The following MIOS variants were observed in gnomAD, a reference collection of about 807,000 sequenced individuals.
The protein encoded by MIOS is GATOR2 complex protein MIOS.
Under a neutral mutation model 96.9 loss-of-function variants are expected in MIOS, and 52 were observed. The observed-to-expected ratio is 0.54, with a 90% CI of 0.43 to 0.68. The LOEUF (loss-of-function observed/expected upper bound fraction) is 0.68, where lower values mean the gene tolerates loss of function less well. MIOS is among the 30% of genes least tolerant of loss of function. The probability of loss-of-function intolerance (pLI) is 0.00; values close to 1 mark genes in which losing one functional copy is unlikely to be tolerated. For synonymous variants in MIOS, 397 were observed against 359.5 expected, an observed-to-expected ratio of 1.10 and a Z score of -1.18; for missense variants, 1,005 against 1,052.8, an observed-to-expected ratio of 0.95 and a Z score of 0.63.
intron 11 of MIOS, among the ~76,000 whole-genome samples, 174 bp downstream of exon 11, chr7:7,596,635 A>G (rs544178828): frequency 6.6e-6 from 1 of 152,316 alleles, no homozygotes; most frequent in Non-Finnish European, 1.5e-5. Flanking sequence ...AACTAAAAGC[A>G]AAATCTATAT....
Position 7,572,883 on chromosome 7 carries a change from C to T in MIOS, c.408C>T (p.His136=). 6.2e-7 allele frequency: 1 copy of T among 1,614,150 alleles called. No individual in the cohort carries two copies. ...SNWLAAGLDK[H]RADFSVLIWD... is the part of the protein sequence containing the mutation. ...GGCTAGCTGCTGGTTTAGATAAGCA[C>T]AGAGCTGACTTTTCAGTGCTAATAT... Residue 136 remains histidine (H), a synonymous_variant, in exon 4 of 13, where the codon CAC becomes CAT. Transcript: ENST00000340080. The surrounding 1 kb of genome is among the most constrained non-coding windows in gnomAD (Gnocchi z 4.8).
At chr7:7,589,939 C>A (rs1037944908) in intron 9 of MIOS, among the ~76,000 whole-genome samples, 6 of 152,134 alleles carry the variant, frequency 3.9e-5, no homozygotes, top group African/African-American at 1.4e-4. Context: ...TCTAGTTATA[C>A]CACAGCTCTC....
At chr7:7,574,358 A>G (rs973608949) in intron 5 of MIOS, among the ~76,000 whole-genome samples, 162 bp downstream of exon 5, 7 of 152,144 alleles carry the variant, frequency 4.6e-5, no homozygotes, top group East Asian at 3.8e-4. Flanking sequence ...AGTTAAATGC[A>G]TACTTGTATT....
chr7:7,601,222 C>G (rs777323635), intron 11 of MIOS, among the ~76,000 whole-genome samples: 2 of 150,756 alleles, frequency 1.3e-5, no homozygotes, highest in Non-Finnish European at 2.9e-5. Context: ...AAGATCAGAG[C>G]AGAACTGAAG....
At chr7:7,578,766 AGT>A (rs1339717236) in intron 5 of MIOS, among the ~76,000 whole-genome samples, 1 of 151,784 alleles carries the variant, frequency 6.6e-6, no homozygotes, top group Non-Finnish European at 1.5e-5. Context: ...GCTGGAGTGC[AGT>A]GACACAATCT....
intron 10 of MIOS, 27 bp from the exon 11 acceptor site, chr7:7,596,230 T>A (rs376776171): frequency 1.2e-6 from 2 of 1,600,204 alleles, no homozygotes; most frequent in Non-Finnish European, 1.7e-6. Flanking sequence ...TGCATTACAT[T>A]TATTTTTTCT....
Position 7,572,784 on chromosome 7 carries a change from G to C in MIOS, c.309G>C (p.Leu103Phe). The C allele has an allele frequency of 6.2e-7, 1 of 1,613,964 alleles. No individual in the cohort carries two copies. The highest frequency in any genetic ancestry group is 8.5e-7 in the Non-Finnish European group (1 of 1,179,876). The change falls in exon 4 of 13, where the codon TTG (leucine) becomes TTC (phenylalanine). Residue 103 changes from leucine to phenylalanine, a missense_variant. Leu to Phe is a conservative substitution (Grantham distance 22). Coordinates refer to ENST00000340080, the MANE Select transcript of MIOS (RefSeq NM_019005.4). The surrounding 1 kb of genome is among the most constrained non-coding windows in gnomAD (Gnocchi z 4.8). ...GQDHNSKFKDLIGKEFVPKHA... is the reference protein window; with the variant it reads ...GQDHNSKFKDFIGKEFVPKHA... ...ATCATAACTCAAAGTTCAAAGATTT[G>C]ATAGGAAAAGAGTTTGTTCCAAAAC...
chr7:7,604,506 G>A (rs1784471205), intron 11 of MIOS, among the ~76,000 whole-genome samples: 1 of 148,698 alleles, frequency 6.7e-6, no homozygotes, highest in Non-Finnish European at 1.5e-5. Flanking sequence ...TTACAGTAAA[G>A]AAGACAAAAA....
chr7:7,605,995 C>T lies in MIOS; in HGVS notation c.2455C>T (p.Gln819Ter), dbSNP rs1392785918. ...CTTGAGCAAGGACAAAAAATTAGCC[C>T]AATTTAACAACTGGTTTACATGGTG... ...VDLSKDKKLA[Q>*]FNNWFTWCHN... The change falls in exon 12 of 13, where the codon CAA (glutamine) becomes TAA (stop). Residue 819 changes from glutamine (Q) to a stop codon, truncating the protein, a stop_gained. Transcript: ENST00000340080. LOFTEE classifies it high-confidence loss of function. 6.2e-7 allele frequency: 1 copy of T among 1,613,658 alleles called. No individual in the cohort carries two copies. The highest frequency in any genetic ancestry group is 8.5e-7 in the Non-Finnish European group (1 of 1,179,828).
At chr7:7,576,026 C>T (rs747331864) in intron 5 of MIOS, among the ~76,000 whole-genome samples, 2 of 152,086 alleles carry the variant, frequency 1.3e-5, no homozygotes, top group Non-Finnish European at 2.9e-5. Flanking sequence ...CTCTAATAAT[C>T]AACACATGGT....
At chr7:7,574,538 A>G (rs775210879) in intron 5 of MIOS, among the ~76,000 whole-genome samples, 10 of 152,106 alleles carry the variant, frequency 6.6e-5, no homozygotes, top group Non-Finnish European at 1.2e-4. Context: ...TTATCGCAAC[A>G]TTTTGCTTCT....
At chr7:7,574,710 T>C (rs1320165629) in intron 5 of MIOS, among the ~76,000 whole-genome samples, 1 of 152,116 alleles carries the variant, frequency 6.6e-6, no homozygotes, top group Non-Finnish European at 1.5e-5. Context: ...AATGAATTAA[T>C]TAACGTGTGA....
At position 7,605,994 on chromosome 7, in the gene MIOS, C is replaced by G. The variant is rs558642329; in HGVS notation, c.2454C>G (p.Ala818=). The G allele has an allele frequency of 1.2e-6, 2 of 1,613,580 alleles. No individual in the cohort carries two copies. The highest frequency in any genetic ancestry group is 8.5e-7 in the Non-Finnish European group (1 of 1,179,744). ...KVDLSKDKKL[A]QFNNWFTWCH... The stretch of plus-strand genomic sequence containing the variant: ...ACTTGAGCAAGGACAAAAAATTAGC[C>G]CAATTTAACAACTGGTTTACATGGT... The change falls in exon 12 of 13, where the codon GCC becomes GCG. Residue 818 remains alanine (A), a synonymous_variant. Coordinates refer to ENST00000340080, the MANE Select transcript of MIOS (RefSeq NM_019005.4).
In MIOS at chr7:7,596,411, G is replaced by A. The variant is rs534931594; in HGVS notation, c.2351G>A (p.Arg784Gln). ...SCPGCRKPLP[R>Q]CALCLINMGT... ...CCTGGCTGTCGAAAACCACTTCCTC[G>A]ATGTGCGCTTTGTCTCATTAATATG... The change falls in exon 11 of 13, where the codon CGA becomes CAA. Residue 784 changes from arginine (R) to glutamine (Q), a missense_variant. Physicochemically the swap from Arg to Gln is conservative, Grantham distance 43. Transcript: ENST00000340080. The A allele has an allele frequency of 1.2e-6, 2 of 1,614,122 alleles. No individual in the cohort carries two copies. The highest frequency in any genetic ancestry group is 2.2e-5 in the South Asian group (2 of 91,078).
At chr7:7,597,029 T>C (rs1784222115) in intron 11 of MIOS, among the ~76,000 whole-genome samples, 1 of 152,028 alleles carries the variant, frequency 6.6e-6, no homozygotes, top group African/African-American at 2.4e-5. Flanking sequence ...ACCCCATCTC[T>C]ATAAAAAATT....
intron 11 of MIOS, among the ~76,000 whole-genome samples, chr7:7,597,493 T>TAA (rs1375197021): frequency 3.2e-5 from 2 of 62,848 alleles, no homozygotes; most frequent in East Asian, 5.2e-4. Flanking sequence ...TATATATATA[T>TAA]ATATATATAT....
chr7:7,572,855 A>C lies in MIOS; in HGVS notation c.380A>C (p.Asn127Thr). 1.2e-6 allele frequency: 2 copies of C among 1,614,180 alleles called. No individual in the cohort carries two copies. The highest frequency in any genetic ancestry group is 8.5e-7 in the Non-Finnish European group (1 of 1,180,006). ...CTTGCCTGGAATCCACTGGATAGTA[A>C]CTGGCTAGCTGCTGGTTTAGATAAG... is the stretch of plus-strand genomic sequence containing the variant. ...NTLAWNPLDS[N>T]WLAAGLDKHR... The change falls in exon 4 of 13, where the codon AAC becomes ACC. Residue 127 changes from asparagine (N) to threonine (T), a missense_variant. By Grantham distance (65) the Asn-to-Thr change is moderately conservative (BLOSUM62 0). Coordinates refer to ENST00000340080, the MANE Select transcript of MIOS (RefSeq NM_019005.4). This position sits in a 1 kb window ranked among gnomAD's most constrained non-coding sequence, Gnocchi z 4.8.
intron 11 of MIOS, among the ~76,000 whole-genome samples, chr7:7,598,237 C>T (rs1784273092): frequency 6.6e-6 from 1 of 152,214 alleles, no homozygotes; most frequent in African/African-American, 2.4e-5. Context: ...CAGTCTGTGA[C>T]ACTGAGAGTT....
Position 7,607,636 on chromosome 7 carries a change from CTATGTGTGTGTGTATATT to C in MIOS, c.*554_*571del, listed in dbSNP as rs1160382032. On this transcript the variant is annotated 3_prime_UTR_variant, in exon 13 of 13. Transcript: ENST00000340080. ...TTATTACTGTCTGTTATATATGTGT[CTATGTGTGTGTGTATATT>C]TATGTGTGTATGTATAAATATGTAT... The C allele has an allele frequency of 6.6e-6, 1 of 152,100 alleles. No homozygotes were observed. Among genetic ancestry groups the C allele is most frequent in the Non-Finnish European group, 1.5e-5 (1 of 68,118 alleles). 9.4% of individuals were successfully genotyped at this position (152,100 alleles called of 1,614,324 possible).
Sources: gnomAD v4.1 joint callset for allele counts (sites outside exome capture counted in the v4.1 genomes callset) on GRCh38, gnomAD v4.1.1 for gene constraint, Gnocchi (gnomAD v3.1) non-coding constraint, MANE v1.5 for transcripts, NCBI Gene and HGNC (gene_info 2026-07-23, HGNC 2026-07-21) for gene names.